The following TTC7B variants were observed in gnomAD, a reference collection of about 807,000 sequenced individuals.
TTC7B encodes the protein tetratricopeptide repeat protein 7B.
TTC7B carries 28 observed loss-of-function variants against 106.8 expected under a neutral mutation model. That is an observed-to-expected ratio of 0.26 (90% CI 0.19 to 0.36). The LOEUF (loss-of-function observed/expected upper bound fraction) is 0.36, where lower values mean the gene tolerates loss of function less well. Among genes scored for constraint, TTC7B ranks in the 10% least tolerant of loss-of-function variants. The probability of loss-of-function intolerance (pLI) is 1.00; values close to 1 mark genes in which losing one functional copy is unlikely to be tolerated. For synonymous variants in TTC7B, 405 were observed against 430.6 expected (o/e 0.94, Z 0.74); for missense variants, 862 against 1,076.4 (o/e 0.80, Z 2.79).
At position 90,803,232 on chromosome 14, in the gene TTC7B, C is replaced by G. The variant is rs79682958; in HGVS notation, c.121+12943G>C. On this transcript the variant is annotated intron_variant, in intron 1 of 19. Transcript: ENST00000328459. ...ACCCTCCAGTGGTTCCACTCTCCCC[C>G]CAAGTGAAGGCCAAAATCCTTGTAA... is the stretch of plus-strand genomic sequence containing the variant. Among the ~76,000 whole-genome samples the G allele has an allele frequency of 3.3e-3, 507 of 152,270 alleles. 30 individuals are homozygous for G. The East Asian group carries it at 0.089, about 27-fold the overall frequency.
At chr14:90,719,286 A>G (rs541730853) in intron 5 of TTC7B, among the ~76,000 whole-genome samples, 1 of 152,292 alleles carries the variant, frequency 6.6e-6, no homozygotes, top group African/African-American at 2.4e-5. Context: ...AAAAACAAAC[A>G]AAAACAACAA....
At chr14:90,551,544 T>C (rs528537060) in intron 19 of TTC7B, among the ~76,000 whole-genome samples, 1 of 152,238 alleles carries the variant, frequency 6.6e-6, no homozygotes, top group South Asian at 2.1e-4. Context: ...AGTCACCACT[T>C]CTCGGGAATT....
At position 90,526,475 on chromosome 14, in the gene TTC7B, A is replaced by C. The variant is rs188111799; in HGVS notation, c.*14893T>G. 17 of 152,402 alleles carry C rather than the reference A, an allele frequency of 1.1e-4. No homozygotes were observed. Among genetic ancestry groups the C allele is most frequent in the African/African-American group, 4.1e-4 (17 of 41,602 alleles). The allele number at this position is 152,402 out of a possible 1,614,324, so 9.4% of individuals were successfully genotyped here. A position where few individuals can be genotyped will look rare whatever the true frequency, so the allele number is the denominator to read the frequency against. On this transcript the variant is annotated 3_prime_UTR_variant, in exon 20 of 20. Transcript: ENST00000328459. ...CACATTTGTGCCAACAATGGAACTG[A>C]CATTGATAAATTACTAGTAACCAAA...
At chr14:90,799,861 G>A (rs1410387367) in intron 1 of TTC7B, among the ~76,000 whole-genome samples, 1 of 151,966 alleles carries the variant, frequency 6.6e-6, no homozygotes, top group Non-Finnish European at 1.5e-5. Context: ...ACGGAGTCTC[G>A]CTCTGTCGCC....
Position 90,577,479 on chromosome 14 carries a change from G to T in TTC7B, c.2310+627C>A, listed in dbSNP as rs1891305098. On this transcript the variant is annotated intron_variant, in intron 19 of 19. Transcript: ENST00000328459. The surrounding 1 kb of genome is among the most constrained non-coding windows in gnomAD (Gnocchi z 5.0). ...GGTGGGAGCAGCAGGGCAACCCCAG[G>T]CTTTTGGCCCAGGCTGTAGACGAAG... Among the ~76,000 whole-genome samples the T allele has an allele frequency of 6.6e-6, 1 of 152,216 alleles. No individual in the cohort carries two copies. Among genetic ancestry groups the T allele is most frequent in the South Asian group, 2.1e-4 (1 of 4,830 alleles).
intron 11 of TTC7B, among the ~76,000 whole-genome samples, chr14:90,655,856 C>T (rs1885925813): frequency 6.6e-6 from 1 of 151,862 alleles, no homozygotes; most frequent in South Asian, 2.1e-4. Flanking sequence ...AGATTTGTTA[C>T]TCTTATTTTT....
intron 9 of TTC7B, among the ~76,000 whole-genome samples, chr14:90,664,611 T>C (rs1003682959): frequency 1.3e-5 from 2 of 152,194 alleles, no homozygotes; most frequent in Non-Finnish European, 2.9e-5. Flanking sequence ...AAAAGATGCA[T>C]TGATGAAAAC....
chr14:90,555,381 C>T (rs1890259558), intron 19 of TTC7B, among the ~76,000 whole-genome samples: 1 of 152,172 alleles, frequency 6.6e-6, no homozygotes, highest in African/African-American at 2.4e-5. Context: ...GCTCTTGGGA[C>T]CCAGGTGACA....
At chr14:90,589,685 A>T (rs926565514) in intron 18 of TTC7B, among the ~76,000 whole-genome samples, 11 of 152,214 alleles carry the variant, frequency 7.2e-5, no homozygotes, top group Admixed American at 6.5e-4. Context: ...GGGGAGCTCA[A>T]ACCACATAAG....
chr14:90,743,457 A>C (rs1889844856), intron 4 of TTC7B, among the ~76,000 whole-genome samples: 1 of 152,208 alleles, frequency 6.6e-6, no homozygotes, highest in African/African-American at 2.4e-5. Flanking sequence ...CTTTACAAAA[A>C]CAAGGAGCCC....
intron 1 of TTC7B, among the ~76,000 whole-genome samples, chr14:90,813,692 T>A (rs2031025054): frequency 6.9e-6 from 1 of 145,354 alleles, no homozygotes; most frequent in African/African-American, 2.5e-5. Flanking sequence ...TTTTTTCGCC[T>A]GTGGTTGTTT....
At chr14:90,551,908 G>T (rs1890097494) in intron 19 of TTC7B, among the ~76,000 whole-genome samples, 1 of 152,246 alleles carries the variant, frequency 6.6e-6, no homozygotes, top group African/African-American at 2.4e-5. Context: ...ACATGCGTGG[G>T]TGGGGTGGGG....
chr14:90,693,658 T>C (rs1887559920), intron 6 of TTC7B, among the ~76,000 whole-genome samples: 1 of 152,132 alleles, frequency 6.6e-6, no homozygotes, highest in Non-Finnish European at 1.5e-5. Context: ...CAAACCACAA[T>C]GGAATATCAC....
intron 3 of TTC7B, among the ~76,000 whole-genome samples, chr14:90,761,723 G>A (rs1397417105): frequency 1.3e-5 from 2 of 152,300 alleles, no homozygotes; most frequent in East Asian, 3.9e-4. Flanking sequence ...TACCTGCCCA[G>A]TGAGCTAAGC....
At chr14:90,709,981 G>GGA (rs371119111) in intron 5 of TTC7B, among the ~76,000 whole-genome samples, 1 of 76,570 alleles carries the variant, frequency 1.3e-5, no homozygotes, top group Non-Finnish European at 2.3e-5. Context: ...TTATGTGCCA[G>GGA]AAAAAAAAAA....
intron 18 of TTC7B, among the ~76,000 whole-genome samples, chr14:90,584,314 G>GTTCA (rs925977454): frequency 1.2e-4 from 18 of 152,176 alleles, no homozygotes; most frequent in African/African-American, 2.7e-4. Flanking sequence ...TAGTTTCCTC[G>GTTCA]TTCATTCATT....
intron 14 of TTC7B, among the ~76,000 whole-genome samples, chr14:90,646,608 C>T (rs1425236780): frequency 6.6e-6 from 1 of 152,194 alleles, no homozygotes; most frequent in African/African-American, 2.4e-5. Flanking sequence ...GGTTCTGCTA[C>T]CTGGTTCCTG....
chr14:90,694,427 A>G (rs1289330133), intron 6 of TTC7B, among the ~76,000 whole-genome samples: 1 of 152,076 alleles, frequency 6.6e-6, no homozygotes, highest in East Asian at 1.9e-4. Flanking sequence ...ATTAAATATT[A>G]GTGATAGCTG....
At chr14:90,574,984 G>GACCCTGGCC (rs1046696054) in intron 19 of TTC7B, among the ~76,000 whole-genome samples, 18 of 151,234 alleles carry the variant, frequency 1.2e-4, no homozygotes, top group African/African-American at 3.4e-4. Flanking sequence ...TTGACCTTCT[G>GACCCTGGCC]ACCCTGGCCT....
Sources: gnomAD v4.1 joint callset for allele counts (sites outside exome capture counted in the v4.1 genomes callset) on GRCh38, gnomAD v4.1.1 for gene constraint, Gnocchi (gnomAD v3.1) non-coding constraint, MANE v1.5 for transcripts, NCBI Gene and HGNC (gene_info 2026-07-23, HGNC 2026-07-21) for gene names.